Variants in FBXL16 observed in about 807,000 individuals in gnomAD.
FBXL16 encodes F-box/LRR-repeat protein 16.
In FBXL16, 7 loss-of-function variants were observed where a neutral mutation model predicts 36.7. The ratio of observed to expected loss-of-function variants is 0.19; its 90% CI spans 0.11 to 0.36. The LOEUF (loss-of-function observed/expected upper bound fraction) is 0.36. Among genes scored for constraint, FBXL16 ranks in the 10% least tolerant of loss-of-function variants. FBXL16 has a pLI of 1.00. For synonymous variants in FBXL16, 355 were observed against 308.7 expected (o/e 1.15, Z -1.57); for missense variants, 463 against 659.4 (o/e 0.70, Z 3.26).
rs1219160228 is a variant in FBXL16, at chr16:695,904, T to C, written c.653A>G (p.Gln218Arg). 1 of 1,593,414 alleles carries C rather than the reference T, an allele frequency of 6.3e-7. No homozygotes were observed. Among genetic ancestry groups the C allele is most frequent in the Non-Finnish European group, 8.6e-7 (1 of 1,165,846 alleles). The change falls in exon 3 of 6, where the codon CAG (glutamine) becomes CGG (arginine). Residue 218 changes from glutamine to arginine, a missense_variant. Around this residue, in one of 3 missense-constraint regions of FBXL16, gnomAD observed 263 missense variants for 341.1 expected, o/e 0.77. Coordinates refer to ENST00000397621, the MANE Select transcript of FBXL16 (RefSeq NM_153350.4). ...AGLEVMLEQM[Q>R]GVVRLELSGC... Reference sequence around the variant, plus strand: ...CGACAGCTCCAGACGCACCACGCCCTGCATCTGTTCAAGCATAACCTGCAG... The same window carrying C: ...CGACAGCTCCAGACGCACCACGCCCCGCATCTGTTCAAGCATAACCTGCAG...
Position 696,951 on chromosome 16 carries a change from C to T in FBXL16, c.455G>A (p.Gly152Asp). Reference sequence around the variant, plus strand: ...CAGGTTCACGAACTCCTTCTCGCCACCAGGCAGCACGTTGTAGAGCTCCTT... The same window carrying T: ...CAGGTTCACGAACTCCTTCTCGCCATCAGGCAGCACGTTGTAGAGCTCCTT... ...HAKELYNVLP[G>D]GEKEFVNLQG... Residue 152 changes from glycine to aspartate, a missense_variant, in exon 2 of 6, where the codon GGT becomes GAT. This residue lies in a region of FBXL16 where 263 missense variants were observed against 341.1 expected (regional missense o/e 0.77). Transcript: ENST00000397621. The T allele has an allele frequency of 6.2e-7, 1 of 1,602,798 alleles. No homozygotes were observed. Among genetic ancestry groups the T allele is most frequent in the Non-Finnish European group, 8.5e-7 (1 of 1,176,082 alleles).
chr16:694,790 C>T (rs2039998217), intron 4 of FBXL16, 93 bp from the exon 5 acceptor site: 3 of 1,407,100 alleles, frequency 2.1e-6, no homozygotes, highest in Admixed American at 4.0e-5. Context: ...GGTTCAAGCC[C>T]GGGGTTCCTC....
chr16:704,765 C>T (rs1261582039), intron 1 of FBXL16, among the ~76,000 whole-genome samples: 4 of 152,228 alleles, frequency 2.6e-5, no homozygotes, highest in Non-Finnish European at 5.9e-5. Context: ...GCTCCTCCTG[C>T]GGAGGGCAGG....
intron 1 of FBXL16, among the ~76,000 whole-genome samples, chr16:698,897 G>C (rs1232115781): frequency 7.6e-6 from 1 of 131,854 alleles, no homozygotes; most frequent in East Asian, 2.0e-4. Context: ...CTGGGGAACA[G>C]AGTGAGACTT....
At chr16:694,497 C>G in intron 5 of FBXL16, 74 bp from the exon 6 acceptor site, 1 of 1,497,040 alleles carries the variant, frequency 6.7e-7, no homozygotes, top group Admixed American at 2.1e-5. Context: ...CCGCGCCTCC[C>G]TCCTCCTCCG....
At chr16:694,500 C>T in intron 5 of FBXL16, 77 bp from the exon 6 acceptor site, 3 of 1,497,012 alleles carry the variant, frequency 2.0e-6, no homozygotes, top group Non-Finnish European at 1.8e-6. Flanking sequence ...CGCCTCCCTC[C>T]TCCTCCGCCT....
Position 692,901 on chromosome 16 carries a change from T to TC in FBXL16, c.*1373_*1374insG, listed in dbSNP as rs2039981438. 1 of 151,578 alleles carries TC rather than the reference T, an allele frequency of 6.6e-6. No homozygotes were observed. The highest frequency in any genetic ancestry group is 2.4e-5 in the African/African-American group (1 of 41,104). 9.4% of individuals were successfully genotyped at this position (151,578 alleles called of 1,614,324 possible). A position where few individuals can be genotyped will look rare whatever the true frequency, so the allele number is the denominator to read the frequency against. On this transcript the variant is annotated 3_prime_UTR_variant, in exon 6 of 6. Coordinates refer to ENST00000397621, the MANE Select transcript of FBXL16 (RefSeq NM_153350.4). ...GATTCAACAGCATCTCTCTCTCTCTTTCTCTCTCTCTCTCACTCTCTTTCT... is the reference window on the plus strand; with the variant it reads ...GATTCAACAGCATCTCTCTCTCTCTTCTCTCTCTCTCTCTCACTCTCTTTCT...
chr16:704,707 G>C (rs899436071), intron 1 of FBXL16, among the ~76,000 whole-genome samples: 1 of 152,248 alleles, frequency 6.6e-6, no homozygotes, highest in African/African-American at 2.4e-5. Flanking sequence ...GCACGGGTGT[G>C]GGGGAAGGGC....
chr16:701,662 C>T (rs2040058493), intron 1 of FBXL16, among the ~76,000 whole-genome samples: 1 of 152,152 alleles, frequency 6.6e-6, no homozygotes, highest in Non-Finnish European at 1.5e-5. Context: ...CTCACAGAGC[C>T]CCCTTTCCTG....
intron 1 of FBXL16, among the ~76,000 whole-genome samples, chr16:698,478 C>A (rs917588233): frequency 4.6e-5 from 7 of 152,220 alleles, no homozygotes; most frequent in Non-Finnish European, 1.0e-4. Context: ...GCCCACCCCT[C>A]TGGGCAGGCC....
Position 697,981 on chromosome 16 carries a change from C to T in FBXL16, c.-14-562G>A, listed in dbSNP as rs527919856. Among the ~76,000 whole-genome samples the T allele has an allele frequency of 1.3e-5, 2 of 151,108 alleles. No homozygotes were observed. Among genetic ancestry groups the T allele is most frequent in the East Asian group, 3.9e-4 (2 of 5,116 alleles). ...CGCCACTGCACTCCAGCCTGGGCAA[C>T]TGAGCAAGACTCTGTCTCAAAAAAA... is the stretch of plus-strand genomic sequence containing the variant. On this transcript the variant is annotated intron_variant, in intron 1 of 5. Transcript: ENST00000397621. The surrounding 1 kb of genome is among the most constrained non-coding windows in gnomAD (Gnocchi z 4.6).
At position 696,825 on chromosome 16, in the gene FBXL16, C is replaced by A. The variant is rs1170625456; in HGVS notation, c.581G>T (p.Gly194Val). ...FIDNYALSKK[G>V]VKAMSLKRST... The stretch of plus-strand genomic sequence containing the variant: ...GCGCTTGAGGCTCATGGCTTTGACA[C>A]CCTTCTTGGAGAGCGCATAGTTGTC... The change falls in exon 2 of 6, where the codon GGT (glycine) becomes GTT (valine). Residue 194 changes from glycine to valine, a missense_variant. Around this residue, in one of 3 missense-constraint regions of FBXL16, gnomAD observed 263 missense variants for 341.1 expected, o/e 0.77. Transcript: ENST00000397621. 5 of 1,500,750 alleles carry A rather than the reference C, an allele frequency of 3.3e-6. No homozygotes were observed. Among genetic ancestry groups the A allele is most frequent in the Non-Finnish European group, 8.8e-7 (1 of 1,132,150 alleles). The allele number at this position is 1,500,750 out of a possible 1,614,324, so 93.0% of individuals were successfully genotyped here.
chr16:698,263 A>G (rs2040030082), intron 1 of FBXL16, among the ~76,000 whole-genome samples: 1 of 152,146 alleles, frequency 6.6e-6, no homozygotes, highest in African/African-American at 2.4e-5. Context: ...TCAGCCTCCC[A>G]AAGTCCTGGG....
chr16:697,111 C>T lies in FBXL16; in HGVS notation c.295G>A (p.Glu99Lys), dbSNP rs1274304987. ...CAGAAGAGCCCATTGAGGATCTTCT[C>T]GTCCGTGGCCAGCGGCGGCCGCTCC... ...PAERPPLATDEKILNGLFWYF... is the reference protein window; with the variant it reads ...PAERPPLATDKKILNGLFWYF... Residue 99 changes from glutamate to lysine, a missense_variant, in exon 2 of 6, where the codon GAG becomes AAG. Glu to Lys is a moderately conservative substitution (Grantham distance 56). Transcript: ENST00000397621. This position sits in a 1 kb window ranked among gnomAD's most constrained non-coding sequence, Gnocchi z 4.6. 10 of 1,607,352 alleles carry T rather than the reference C, an allele frequency of 6.2e-6. No homozygotes were observed. Among genetic ancestry groups the T allele is most frequent in the East Asian group, 2.2e-5 (1 of 44,758 alleles).
chr16:692,840 G>A lies in FBXL16; in HGVS notation c.*1435C>T, dbSNP rs1177580550. ...GGAGCTTCCTGGGGCTGGCACTCCA[G>A]GGACAGGAAAATCTTTGGGCTGTTG... is the stretch of plus-strand genomic sequence containing the variant. On this transcript the variant is annotated 3_prime_UTR_variant, in exon 6 of 6. Transcript: ENST00000397621. The A allele has an allele frequency of 6.6e-6, 1 of 152,424 alleles. No homozygotes were observed. The highest frequency in any genetic ancestry group is 6.5e-5 in the Admixed American group (1 of 15,282). The allele number at this position is 152,424 out of a possible 1,614,324, so 9.4% of individuals were successfully genotyped here.
intron 1 of FBXL16, among the ~76,000 whole-genome samples, chr16:701,646 C>T (rs1596576016): frequency 6.6e-6 from 1 of 152,130 alleles, no homozygotes; most frequent in African/African-American, 2.4e-5. Flanking sequence ...GAGCCGGTTC[C>T]CATGGCTCAC....
rs2039988512 is a variant in FBXL16, at chr16:693,790, G to C, written c.*485C>G. ...AAGCCCGTGGGGCTCTTCTGGGCCC[G>C]TGTCCTGGGGGACCCAGCCCCCTCA... On this transcript the variant is annotated 3_prime_UTR_variant, in exon 6 of 6. Coordinates refer to ENST00000397621, the MANE Select transcript of FBXL16 (RefSeq NM_153350.4). 2 of 152,798 alleles carry C rather than the reference G, an allele frequency of 1.3e-5. No individual in the cohort carries two copies. Among genetic ancestry groups the C allele is most frequent in the Admixed American group, 1.3e-4 (2 of 15,288 alleles). 9.5% of individuals were successfully genotyped at this position (152,798 alleles called of 1,614,324 possible). A position where few individuals can be genotyped will look rare whatever the true frequency, so the allele number is the denominator to read the frequency against.
At chr16:695,313 C>A in intron 3 of FBXL16, 102 bp downstream of exon 3, 1 of 1,101,448 alleles carries the variant, frequency 9.1e-7, no homozygotes, top group African/African-American at 1.7e-5. Context: ...GCCCCAGCCC[C>A]GCCGGAAGCC....
intron 1 of FBXL16, among the ~76,000 whole-genome samples, chr16:698,990 G>T (rs1012722575): frequency 6.6e-6 from 1 of 151,134 alleles, no homozygotes; most frequent in Non-Finnish European, 1.5e-5. Flanking sequence ...TCCATGCAAA[G>T]AAAGGGCGGG....
Sources: allele counts gnomAD v4.1 joint callset (sites outside exome capture counted in the v4.1 genomes callset), GRCh38; gene constraint gnomAD v4.1.1; regional missense constraint gnomAD v4.1.1; non-coding constraint Gnocchi (gnomAD v3.1); transcripts MANE v1.5; gene names NCBI Gene and HGNC (gene_info 2026-07-23, HGNC 2026-07-21).